Variants in NEBL observed in about 807,000 individuals in gnomAD.
NEBL encodes the protein nebulette.
A neutral mutation model predicts 140.2 loss-of-function variants in NEBL; 122 were observed. The observed-to-expected ratio is 0.87, with a 90% CI of 0.75 to 1.01. The LOEUF is 1.01. Ranked by LOEUF, NEBL falls within the 50% of genes least tolerant of loss-of-function variation. The pLI, the probability that NEBL is intolerant of heterozygous loss-of-function variation, is 0.00. For synonymous variants in NEBL, 436 were observed against 398.9 expected, an observed-to-expected ratio of 1.09 and a Z score of -1.11; for missense variants, 1,365 against 1,231.3, an observed-to-expected ratio of 1.11 and a Z score of -1.62.
At chr10:21,185,684 A>T (rs1841454814) in intron 3 of NEBL, among the ~76,000 whole-genome samples, 2 of 150,812 alleles carry the variant, frequency 1.3e-5, no homozygotes, top group African/African-American at 4.9e-5. Flanking sequence ...TTTAGTAGAG[A>T]CGGGGTTTCG....
chr10:20,851,406 A>T (rs1842498946), intron 10 of NEBL, among the ~76,000 whole-genome samples: 1 of 152,140 alleles, frequency 6.6e-6, no homozygotes, highest in Admixed American at 6.5e-5. Flanking sequence ...TTGTAGACAT[A>T]ATTTTGTTGC....
intron 26 of NEBL, among the ~76,000 whole-genome samples, chr10:20,797,328 G>A (rs899256869): frequency 6.6e-6 from 1 of 152,162 alleles, no homozygotes; most frequent in African/African-American, 2.4e-5. Flanking sequence ...AAATGGCATT[G>A]CCTTTGGTTT....
chr10:21,057,904 T>C (rs1835103153), intron 2 of NEBL, among the ~76,000 whole-genome samples: 1 of 152,152 alleles, frequency 6.6e-6, no homozygotes, highest in Non-Finnish European at 1.5e-5. Context: ...AAGCCAGACT[T>C]ATTTTTGCAT....
intron 26 of NEBL, 101 bp from the exon 27 acceptor site, chr10:20,787,409 T>C: frequency 2.2e-6 from 2 of 892,198 alleles, no homozygotes; most frequent in African/African-American, 1.6e-5. Flanking sequence ...TAGAAGCTTC[T>C]GAAACAAAAT....
intron 2 of NEBL, among the ~76,000 whole-genome samples, chr10:21,032,955 C>T (rs1250209179): frequency 6.6e-6 from 1 of 152,142 alleles, no homozygotes; most frequent in Admixed American, 6.5e-5. Context: ...TGCTTATCGG[C>T]TATTGAAACA....
chr10:21,080,983 T>C (rs1434174402), intron 2 of NEBL, among the ~76,000 whole-genome samples: 1 of 152,132 alleles, frequency 6.6e-6, no homozygotes, highest in Non-Finnish European at 1.5e-5. Flanking sequence ...GCCTCCCAAG[T>C]AGCTGGGTCT....
chr10:21,139,821 A>AG (rs1186736896), intron 2 of NEBL, among the ~76,000 whole-genome samples: 2 of 152,068 alleles, frequency 1.3e-5, no homozygotes, highest in African/African-American at 4.8e-5. Flanking sequence ...CTTTGTGTGA[A>AG]GCTCAGAATA....
At chr10:20,950,909 C>T (rs758127484) in intron 4 of NEBL, among the ~76,000 whole-genome samples, 1 of 152,076 alleles carries the variant, frequency 6.6e-6, no homozygotes, top group African/African-American at 2.4e-5. Context: ...TTGCTAAACA[C>T]AGGCAAATTC....
chr10:20,802,052 G>A (rs1311632842), intron 26 of NEBL, among the ~76,000 whole-genome samples: 11 of 152,190 alleles, frequency 7.2e-5, no homozygotes, highest in African/African-American at 1.4e-4. Flanking sequence ...TACGTTTTCC[G>A]GAGGAAAACA....
intron 7 of NEBL, among the ~76,000 whole-genome samples, chr10:20,861,061 T>A (rs1843649249): frequency 7.3e-6 from 1 of 137,384 alleles, no homozygotes; most frequent in African/African-American, 3.5e-5. Context: ...AAAAACTGAC[T>A]TTTTTTATTA....
chr10:20,812,802 C>A lies in NEBL; in HGVS notation c.2485G>T (p.Val829Leu), dbSNP rs727504979. Residue 829 changes from valine (V) to leucine (L), a missense_variant, in exon 24 of 28, where the codon GTG becomes TTG. Physicochemically the swap from Val to Leu is conservative, Grantham distance 32. Around this residue, in one of 2 missense-constraint regions of NEBL, gnomAD observed 1,323 missense variants for 1,154.8 expected, o/e 1.15. Transcript: ENST00000377122. The stretch of plus-strand genomic sequence containing the variant: ...ATTCCAGGTCTCCTGTCCATCTCCA[C>A]GATGTGAGGGTGGACCCCTTTATAG... ...AAYKGVHPHI[V>L]EMDRRPGIIV... The A allele has an allele frequency of 6.2e-7, 1 of 1,613,980 alleles. No homozygotes were observed. The highest frequency in any genetic ancestry group is 8.5e-7 in the Non-Finnish European group (1 of 1,179,938).
At chr10:20,945,317 T>C (rs1835101018) in intron 4 of NEBL, among the ~76,000 whole-genome samples, 1 of 152,056 alleles carries the variant, frequency 6.6e-6, no homozygotes, top group South Asian at 2.1e-4. Context: ...CTCCAAAAAT[T>C]CCCACTCTTA....
At chr10:21,066,214 C>A (rs1319380685) in intron 2 of NEBL, among the ~76,000 whole-genome samples, 1 of 152,170 alleles carries the variant, frequency 6.6e-6, no homozygotes, top group Non-Finnish European at 1.5e-5. Flanking sequence ...ATATATGCTT[C>A]TTAAAGCTGT....
intron 2 of NEBL, among the ~76,000 whole-genome samples, chr10:21,022,100 A>G (rs1022907405): frequency 6.6e-6 from 1 of 152,058 alleles, no homozygotes; most frequent in Non-Finnish European, 1.5e-5. Context: ...CTGCTGTCCC[A>G]TCTACTCACT....
At chr10:21,144,388 C>T (rs989299337) in intron 2 of NEBL, among the ~76,000 whole-genome samples, 1 of 152,236 alleles carries the variant, frequency 6.6e-6, no homozygotes, top group Non-Finnish European at 1.5e-5. Context: ...ACGCACCCTC[C>T]TTGGCCAGTT....
intron 2 of NEBL, among the ~76,000 whole-genome samples, chr10:21,045,448 C>T (rs1834465724): frequency 1.3e-5 from 2 of 152,138 alleles, no homozygotes; most frequent in Admixed American, 6.5e-5. Flanking sequence ...CACCAAAAAC[C>T]ACTGTGAATG....
intron 4 of NEBL, among the ~76,000 whole-genome samples, chr10:20,904,674 C>T (rs1049491343): frequency 6.6e-6 from 1 of 152,164 alleles, no homozygotes; most frequent in Non-Finnish European, 1.5e-5. Context: ...ACACATGCAA[C>T]ACACACACAT....
intron 4 of NEBL, among the ~76,000 whole-genome samples, chr10:20,942,433 T>C (rs1834922791): frequency 6.6e-6 from 1 of 152,148 alleles, no homozygotes; most frequent in South Asian, 2.1e-4. Context: ...TATACAAAAA[T>C]TAATTCAAGA....
chr10:21,123,158 A>T (rs1457859661), intron 2 of NEBL, among the ~76,000 whole-genome samples: 1 of 152,180 alleles, frequency 6.6e-6, no homozygotes, highest in Non-Finnish European at 1.5e-5. Flanking sequence ...ATACCAAAGG[A>T]TGTCTATATA....
Sources: gnomAD v4.1 joint callset for allele counts (sites outside exome capture counted in the v4.1 genomes callset) on GRCh38, gnomAD v4.1.1 for gene constraint, gnomAD v4.1.1 regional missense constraint, MANE v1.5 for transcripts, NCBI Gene and HGNC (gene_info 2026-07-23, HGNC 2026-07-21) for gene names.